SLC27A1: variants seen among roughly 807,000 people sequenced by gnomAD.
The protein encoded by SLC27A1 is solute carrier family 27 member 1.
In SLC27A1, 61 loss-of-function variants were observed where a neutral mutation model predicts 62.2. The ratio of observed to expected loss-of-function variants is 0.98; its 90% CI spans 0.80 to 1.21. The LOEUF is 1.21. SLC27A1 is among the 50% of genes most tolerant of loss of function. SLC27A1 has a pLI of 0.00. For missense variants in SLC27A1, 903 were observed against 932.1 expected (o/e 0.97, Z 0.41); for synonymous variants, 435 against 408.6 (o/e 1.06, Z -0.78).
At chr19:17,469,875 T>A (rs890942838), upstream of SLC27A1, among the ~76,000 whole-genome samples, 2 of 50,332 alleles carry the variant, frequency 4.0e-5, no homozygotes, top group African/African-American at 1.6e-4. Flanking sequence ...GGCTCTAGTT[T>A]CGGGAGGGTG....
At position 17,504,587 on chromosome 19, in the gene SLC27A1, T is replaced by A; in HGVS notation, c.1916T>A (p.Ile639Asn). The A allele has an allele frequency of 6.2e-7, 1 of 1,614,172 alleles. No individual in the cohort carries two copies. Among genetic ancestry groups the A allele is most frequent in the Non-Finnish European group, 8.5e-7 (1 of 1,180,022 alleles). The change falls in exon 12 of 12, where the codon ATC becomes AAC. Residue 639 changes from isoleucine to asparagine, a missense_variant. By Grantham distance (149) the Ile-to-Asn change is moderately radical (BLOSUM62 -3). Transcript: ENST00000252595. The part of the protein sequence containing the change: ...LPLNEAVYTR[I>N]CSGAFAL ...TTAAATGAGGCAGTCTACACTCGCATCTGCTCGGGCGCCTTCGCCCTCTGA... is the reference window on the plus strand; with the variant it reads ...TTAAATGAGGCAGTCTACACTCGCAACTGCTCGGGCGCCTTCGCCCTCTGA...
upstream of SLC27A1, chr19:17,470,468 G>T (rs2075062537): frequency 7.1e-7 from 1 of 1,406,484 alleles, no homozygotes; most frequent in Admixed American, 3.2e-5. Context: ...AGGCGGGGGC[G>T]GTCGTGGGGC....
chr19:17,486,902 C>T lies in SLC27A1; in HGVS notation c.507C>T (p.Phe169=). The change falls in exon 2 of 12, where the codon TTC becomes TTT. Residue 169 remains phenylalanine (F), a synonymous_variant. Transcript: ENST00000252595. The surrounding 1 kb of genome is among the most constrained non-coding windows in gnomAD (Gnocchi z 6.6). ...NVNLRREPLA[F]CLGTSGAKAL... ...ACCTGCGGCGCGAGCCCCTGGCCTT[C>T]TGCCTGGGCACCTCGGGCGCTAAGG... The T allele has an allele frequency of 6.3e-7, 1 of 1,591,770 alleles. No individual in the cohort carries two copies. The highest frequency in any genetic ancestry group is 8.5e-7 in the Non-Finnish European group (1 of 1,176,146).
intron 6 of SLC27A1, among the ~76,000 whole-genome samples, chr19:17,492,922 G>A (rs897079494): frequency 2.7e-5 from 4 of 148,338 alleles, no homozygotes; most frequent in Middle Eastern, 3.4e-3. Context: ...CCTGGGCAAC[G>A]AGAGCGAAAC....
chr19:17,495,126 C>T (rs925765439), intron 6 of SLC27A1, among the ~76,000 whole-genome samples: 13 of 151,820 alleles, frequency 8.6e-5, no homozygotes, highest in Admixed American at 7.9e-4. Context: ...GCACATGCCA[C>T]CAGGTCTGGC....
chr19:17,470,702 C>T lies in SLC27A1; in HGVS notation c.162C>T (p.Asp54=). The change falls in exon 1 of 12, where the codon GAC becomes GAT. Residue 54 remains aspartate (D), a synonymous_variant. Coordinates refer to ENST00000252595, the MANE Select transcript of SLC27A1 (RefSeq NM_198580.3). ...TCGTCTGCAAGACCGCGAGGCGAGA[C>T]CTCTTGTGAGTGTTGCCGGGATCCG... is the stretch of plus-strand genomic sequence containing the variant. ...LRIVCKTARR[D]LFGLSVLIRV... is the part of the protein sequence containing the mutation. 6.3e-7 allele frequency: 1 copy of T among 1,581,206 alleles called. No homozygotes were observed. The highest frequency in any genetic ancestry group is 8.5e-7 in the Non-Finnish European group (1 of 1,170,006).
intron 7 of SLC27A1, chr19:17,497,707 T>G: frequency 1.8e-6 from 1 of 551,298 alleles, no homozygotes; most frequent in Non-Finnish European, 3.2e-6. Flanking sequence ...AGTTGGAGGA[T>G]AGGTATGGCT....
chr19:17,474,996 C>T (rs1321198388), intron 1 of SLC27A1, among the ~76,000 whole-genome samples: 1 of 151,738 alleles, frequency 6.6e-6, no homozygotes, highest in Non-Finnish European at 1.5e-5. Context: ...TCCACTGCAC[C>T]CTCCAGCTCC....
chr19:17,503,337 AT>A (rs1337629340), intron 11 of SLC27A1: 1 of 152,016 alleles, frequency 6.6e-6, no homozygotes, highest in East Asian at 1.9e-4. Context: ...GATAGTTAAT[AT>A]TTTCGGCTTT....
chr19:17,472,003 A>G (rs888155838), intron 1 of SLC27A1, among the ~76,000 whole-genome samples: 2 of 152,190 alleles, frequency 1.3e-5, no homozygotes, highest in Non-Finnish European at 2.9e-5. Context: ...CCCAGAACAT[A>G]CTGGACCCCT....
At chr19:17,492,253 A>C (rs1490121374) in intron 6 of SLC27A1, 2 of 152,148 alleles carry the variant, frequency 1.3e-5, no homozygotes, top group African/African-American at 4.8e-5. Flanking sequence ...TTTTTGGCAA[A>C]GATTCCTTAT....
intron 1 of SLC27A1, among the ~76,000 whole-genome samples, chr19:17,471,946 A>G (rs1483524146): frequency 4.6e-5 from 7 of 152,030 alleles, no homozygotes; most frequent in African/African-American, 7.2e-5. Context: ...CCCCATCCAT[A>G]TGTTCACCTG....
intron 1 of SLC27A1, among the ~76,000 whole-genome samples, chr19:17,472,474 C>T (rs1014766491): frequency 6.6e-6 from 1 of 152,050 alleles, no homozygotes; most frequent in Non-Finnish European, 1.5e-5. Flanking sequence ...CATGTCCCAG[C>T]CTCCGCTTAC....
intron 1 of SLC27A1, among the ~76,000 whole-genome samples, chr19:17,477,300 G>A (rs868671731): frequency 1.0e-4 from 13 of 126,600 alleles, no homozygotes; most frequent in Middle Eastern, 6.5e-3. Flanking sequence ...AGGCTGGAGT[G>A]CAGTGGTGTG....
chr19:17,504,619 T>G lies in SLC27A1; in HGVS notation c.*7T>G, dbSNP rs779233180. The G allele has an allele frequency of 2.4e-5, 38 of 1,613,934 alleles. No individual in the cohort carries two copies. The highest frequency in any genetic ancestry group is 3.1e-5 in the Non-Finnish European group (37 of 1,180,024). ...GGGCGCCTTCGCCCTCTGAAGCTGT[T>G]CCTCTACTGGCCACAAACTCTGGGC... On this transcript the variant is annotated 3_prime_UTR_variant, in exon 12 of 12. Transcript: ENST00000252595.
chr19:17,499,814 AAAG>A (rs1568423767), intron 7 of SLC27A1: 1 of 161,366 alleles, frequency 6.2e-6, no homozygotes, highest in African/African-American at 2.4e-5. Context: ...CTCTATAAAA[AAAG>A]GAAGGAAGGA....
At position 17,505,098 on chromosome 19, in the gene SLC27A1, T is replaced by C. The variant is rs2075464163; in HGVS notation, c.*486T>C. The stretch of plus-strand genomic sequence containing the variant: ...TAGTAGAGACGGGGTTTCACCATGT[T>C]GGTCAGGTTGGTCTTGAACTCCTGA... On this transcript the variant is annotated 3_prime_UTR_variant, in exon 12 of 12. Coordinates refer to ENST00000252595, the MANE Select transcript of SLC27A1 (RefSeq NM_198580.3). The C allele has an allele frequency of 2.8e-6, 1 of 355,894 alleles. No homozygotes were observed. The highest frequency in any genetic ancestry group is 5.5e-6 in the Non-Finnish European group (1 of 181,862). The allele number at this position is 355,894 out of a possible 1,614,324, so 22.0% of individuals were successfully genotyped here.
chr19:17,481,115 G>A (rs1300874378), intron 1 of SLC27A1, among the ~76,000 whole-genome samples: 3 of 151,626 alleles, frequency 2.0e-5, no homozygotes, highest in Non-Finnish European at 4.4e-5. Flanking sequence ...AGTTGAGACA[G>A]GGTTTCTCCA....
In SLC27A1 at chr19:17,500,896, G is replaced by A. The variant is rs756807397; in HGVS notation, c.1636+20G>A. On this transcript the variant is annotated intron_variant, in intron 10 of 11. Transcript: ENST00000252595. The stretch of plus-strand genomic sequence containing the variant: ...TTCCAGGCAAGCTGGGGTTGCAGGG[G>A]GTGGTCCTGAGGCATGGTCCTGAGG... 6.3e-7 allele frequency: 1 copy of A among 1,595,306 alleles called. No homozygotes were observed. The highest frequency in any genetic ancestry group is 8.5e-7 in the Non-Finnish European group (1 of 1,173,354).
Sources: allele counts gnomAD v4.1 joint callset (sites outside exome capture counted in the v4.1 genomes callset), GRCh38; gene constraint gnomAD v4.1.1; non-coding constraint Gnocchi (gnomAD v3.1); transcripts MANE v1.5; gene names NCBI Gene and HGNC (gene_info 2026-07-23, HGNC 2026-07-21).